DCAF7: variants seen among roughly 807,000 people sequenced by gnomAD.
The protein encoded by DCAF7 is DDB1 and CUL4 associated factor 7.
DCAF7 carries 4 observed loss-of-function variants against 41.2 expected under a neutral mutation model. That is an observed-to-expected ratio of 0.10 (90% CI 0.05 to 0.22). The LOEUF is 0.22. DCAF7 is among the 10% of genes least tolerant of loss of function. DCAF7 has a pLI of 1.00. For synonymous variants in DCAF7, 143 were observed against 164.2 expected (o/e 0.87, Z 0.99); for missense variants, 131 against 443.2 (o/e 0.30, Z 6.32).
chr17:63,586,315 G>T (rs2033676282), intron 6 of DCAF7, among the ~76,000 whole-genome samples: 2 of 151,876 alleles, frequency 1.3e-5, no homozygotes, highest in Admixed American at 6.6e-5. Context: ...GACTATCTGG[G>T]TGTGGTGGTG....
At chr17:63,581,637 C>T (rs1249549234) in intron 4 of DCAF7, among the ~76,000 whole-genome samples, 2 of 152,188 alleles carry the variant, frequency 1.3e-5, no homozygotes, top group Admixed American at 1.3e-4. Flanking sequence ...CTGCCAAATG[C>T]ACGCTGTAGG....
intron 1 of DCAF7, among the ~76,000 whole-genome samples, chr17:63,560,223 G>A (rs561377755): frequency 1.1e-3 from 164 of 152,186 alleles, no homozygotes; most frequent in Middle Eastern, 3.4e-3. Flanking sequence ...GTGTATACAC[G>A]TATGTGTAGC....
intron 1 of DCAF7, among the ~76,000 whole-genome samples, chr17:63,556,344 C>T (rs7209961): frequency 0.24 from 36,270 of 151,834 alleles, 4,554 homozygotes; most frequent in Middle Eastern, 0.33. Context: ...TGGATGCAGG[C>T]AGATCACCTG....
At chr17:63,583,078 G>A (rs2033641119) in intron 4 of DCAF7, among the ~76,000 whole-genome samples, 1 of 152,198 alleles carries the variant, frequency 6.6e-6, no homozygotes, top group Non-Finnish European at 1.5e-5. Flanking sequence ...GGCCACAGGA[G>A]GGCTGCTTTC....
At position 63,559,431 on chromosome 17, in the gene DCAF7, A is replaced by ATGTG. The variant is rs1179071331; in HGVS notation, c.138+8622_138+8625dup. Among the ~76,000 whole-genome samples the ATGTG allele has an allele frequency of 4.8e-3, 471 of 98,258 alleles. 10 individuals carry two copies. The highest frequency in any genetic ancestry group is 0.024 in the African/African-American group (453 of 18,922). 64.5% of individuals were successfully genotyped at this position (98,258 alleles called of 152,430 possible). A position where few individuals can be genotyped will look rare whatever the true frequency, so the allele number is the denominator to read the frequency against. On this transcript the variant is annotated intron_variant, in intron 1 of 6. Transcript: ENST00000614556. ...TATGTATATATATACGTATATATAT[A>ATGTG]TGTGTGTGTATATATATATATATAT... is the stretch of plus-strand genomic sequence containing the variant.
chr17:63,561,914 A>G (rs2033385947), intron 1 of DCAF7, among the ~76,000 whole-genome samples: 1 of 151,794 alleles, frequency 6.6e-6, no homozygotes, highest in South Asian at 2.1e-4. Flanking sequence ...GCTATGTGCT[A>G]AGTGGCTTGC....
At position 63,588,983 on chromosome 17, in the gene DCAF7, G is replaced by T; in HGVS notation, c.857-17G>T. On this transcript the variant is annotated splice_polypyrimidine_tract_variant and intron_variant, in intron 6 of 6. Transcript: ENST00000614556. ...GCCTCACTTGTGACCTTGCTTGCTG[G>T]CTTTCTTTGTCCCTAGCGGATGACC... 1 of 1,595,012 alleles carries T rather than the reference G, an allele frequency of 6.3e-7. No homozygotes were observed. The highest frequency in any genetic ancestry group is 1.1e-5 in the South Asian group (1 of 90,236).
At chr17:63,555,799 A>T (rs2033304743) in intron 1 of DCAF7, among the ~76,000 whole-genome samples, 1 of 152,220 alleles carries the variant, frequency 6.6e-6, no homozygotes. Context: ...TTAAAAAAAA[A>T]TGCTACTTTA....
At chr17:63,578,874 G>A (rs890881853) in intron 2 of DCAF7, among the ~76,000 whole-genome samples, 21 of 152,202 alleles carry the variant, frequency 1.4e-4, no homozygotes, top group Non-Finnish European at 1.5e-4. Context: ...TGATGATGAC[G>A]GCCTTCAGTG....
intron 5 of DCAF7, among the ~76,000 whole-genome samples, chr17:63,584,473 A>T (rs1224438041): frequency 6.6e-6 from 1 of 151,908 alleles, no homozygotes; most frequent in Non-Finnish European, 1.5e-5. Context: ...ATCTGAAAAA[A>T]AAAAAAGGCC....
At chr17:63,568,046 A>C (rs546414309) in intron 1 of DCAF7, among the ~76,000 whole-genome samples, 1 of 143,742 alleles carries the variant, frequency 7.0e-6, no homozygotes, top group South Asian at 2.2e-4. Flanking sequence ...TTTGAGATGG[A>C]GTCTCGCTCT....
chr17:63,570,156 C>T (rs1030785504), intron 1 of DCAF7, among the ~76,000 whole-genome samples: 8 of 152,076 alleles, frequency 5.3e-5, no homozygotes, highest in African/African-American at 1.9e-4. Flanking sequence ...TAACAGCTGA[C>T]AGAAATGATA....
intron 1 of DCAF7, among the ~76,000 whole-genome samples, chr17:63,575,570 C>T (rs2033553174): frequency 6.6e-6 from 1 of 151,978 alleles, no homozygotes; most frequent in African/African-American, 2.4e-5. Context: ...CGTGGTGGTG[C>T]GCACCTGTAG....
intron 5 of DCAF7, among the ~76,000 whole-genome samples, 176 bp downstream of exon 5, chr17:63,583,887 G>A (rs1056452801): frequency 2.6e-5 from 4 of 152,182 alleles, no homozygotes; most frequent in Non-Finnish European, 4.4e-5. Context: ...GGCATCTAGG[G>A]GGTAGAGACC....
At chr17:63,553,310 G>A (rs1284329603) in intron 1 of DCAF7, among the ~76,000 whole-genome samples, 1 of 152,228 alleles carries the variant, frequency 6.6e-6, no homozygotes, top group Middle Eastern at 3.2e-3. Context: ...GTCACAGACA[G>A]TCATACCACT....
chr17:63,568,070 G>C (rs1400075183), intron 1 of DCAF7, among the ~76,000 whole-genome samples: 1 of 152,074 alleles, frequency 6.6e-6, no homozygotes, highest in African/African-American at 2.4e-5. Context: ...GCCCAGGCTG[G>C]AGTGCAGTGG....
Position 63,550,921 on chromosome 17 carries a change from A to C in DCAF7, c.138+106A>C. 6.8e-7 allele frequency: 1 copy of C among 1,478,568 alleles called. No homozygotes were observed. The highest frequency in any genetic ancestry group is 1.3e-5 in the South Asian group (1 of 76,682). 91.6% of individuals were successfully genotyped at this position (1,478,568 alleles called of 1,614,324 possible). A position where few individuals can be genotyped will look rare whatever the true frequency, so the allele number is the denominator to read the frequency against. The stretch of plus-strand genomic sequence containing the variant: ...CAGAACCCTCTTGCGGACTCGCCCT[A>C]GGGCCACGGAGCGGTTCCTCTGTCT... On this transcript the variant is annotated intron_variant, in intron 1 of 6. Transcript: ENST00000614556. This position sits in a 1 kb window ranked among gnomAD's most constrained non-coding sequence, Gnocchi z 4.8.
Position 63,583,579 on chromosome 17 carries a change from G to A in DCAF7, c.606G>A (p.Arg202=), listed in dbSNP as rs772337548. Residue 202 remains arginine, a synonymous_variant, in exon 5 of 7, where the codon CGG becomes CGA. Coordinates refer to ENST00000614556, the MANE Select transcript of DCAF7 (RefSeq NM_005828.5). ...CTGTGGGTGCTGATGGCTCGGTGCG[G>A]ATGTTTGACCTCCGCCATCTAGAAC... ...FASVGADGSV[R]MFDLRHLEHS... The A allele has an allele frequency of 3.0e-5, 49 of 1,613,786 alleles. No homozygotes were observed. The highest frequency in any genetic ancestry group is 1.2e-4 in the Admixed American group (7 of 59,986).
chr17:63,559,431 A>ATATGTATATATATATGTG (rs1555680858), intron 1 of DCAF7, among the ~76,000 whole-genome samples: 1 of 98,320 alleles, frequency 1.0e-5, no homozygotes, highest in African/African-American at 5.3e-5. Context: ...GTATATATAT[A>ATATGTATATATATATGTG]TGTGTGTGTA....
Sources: allele counts gnomAD v4.1 joint callset (sites outside exome capture counted in the v4.1 genomes callset), GRCh38; gene constraint gnomAD v4.1.1; non-coding constraint Gnocchi (gnomAD v3.1); transcripts MANE v1.5; gene names NCBI Gene and HGNC (gene_info 2026-07-23, HGNC 2026-07-21).